LRFN2: variants seen among roughly 807,000 people sequenced by gnomAD.
The protein encoded by LRFN2 is leucine-rich repeat and fibronectin type-III domain-containing protein 2.
LRFN2 carries 18 observed loss-of-function variants against 37.3 expected under a neutral mutation model. The ratio of observed to expected loss-of-function variants is 0.48; its 90% CI spans 0.33 to 0.72. LRFN2 has a LOEUF of 0.72. Ranked by LOEUF, LRFN2 falls within the 30% of genes least tolerant of loss-of-function variation. The probability of loss-of-function intolerance (pLI) is 0.02; values close to 1 mark genes in which losing one functional copy is unlikely to be tolerated. For synonymous variants in LRFN2, 556 were observed against 466.6 expected (o/e 1.19, Z -2.47); for missense variants, 1,006 against 1,060.7 (o/e 0.95, Z 0.72).
At chr6:40,455,499 C>T (rs1271208254) in intron 1 of LRFN2, among the ~76,000 whole-genome samples, 2 of 152,216 alleles carry the variant, frequency 1.3e-5, no homozygotes, top group East Asian at 1.9e-4. Context: ...GGGGAGTTAA[C>T]TCCTTATGGG....
At chr6:40,532,851 C>T (rs1766372304) in intron 1 of LRFN2, among the ~76,000 whole-genome samples, 1 of 152,212 alleles carries the variant, frequency 6.6e-6, no homozygotes, top group Admixed American at 6.5e-5. Flanking sequence ...CAGGTGGGTA[C>T]TGAACACAAT....
chr6:40,435,836 T>C (rs1387887100), intron 1 of LRFN2, among the ~76,000 whole-genome samples: 1 of 152,190 alleles, frequency 6.6e-6, no homozygotes, highest in East Asian at 1.9e-4. Flanking sequence ...ACGTAATATA[T>C]TGAAAAATCT....
chr6:40,482,656 G>C (rs763790149), intron 1 of LRFN2, among the ~76,000 whole-genome samples: 1 of 152,092 alleles, frequency 6.6e-6, no homozygotes, highest in Non-Finnish European at 1.5e-5. Flanking sequence ...TGAAGTCAGC[G>C]CTTAGCTCCC....
chr6:40,554,152 T>C (rs896136892), intron 1 of LRFN2, among the ~76,000 whole-genome samples: 1 of 152,142 alleles, frequency 6.6e-6, no homozygotes, highest in Non-Finnish European at 1.5e-5. Flanking sequence ...CCCCCCGAAG[T>C]GGGAGAGGAA....
chr6:40,549,248 A>G (rs1483368259), intron 1 of LRFN2, among the ~76,000 whole-genome samples: 1 of 152,192 alleles, frequency 6.6e-6, no homozygotes, highest in Non-Finnish European at 1.5e-5. Flanking sequence ...CTTGAGAAAG[A>G]GAGGAGGTTT....
chr6:40,560,335 C>T (rs754061212), intron 1 of LRFN2, among the ~76,000 whole-genome samples: 7 of 152,152 alleles, frequency 4.6e-5, no homozygotes, highest in Non-Finnish European at 8.8e-5. Flanking sequence ...TTCCCATGAC[C>T]AGGCACCAGG....
At chr6:40,507,937 C>A (rs186360796) in intron 1 of LRFN2, among the ~76,000 whole-genome samples, 1 of 152,114 alleles carries the variant, frequency 6.6e-6, no homozygotes, top group Admixed American at 6.5e-5. Context: ...ACATTGTATG[C>A]ATGTCATAGC....
intron 1 of LRFN2, among the ~76,000 whole-genome samples, chr6:40,562,829 A>G (rs1362337998): frequency 2.1e-5 from 3 of 143,224 alleles, no homozygotes; most frequent in African/African-American, 8.2e-5. Flanking sequence ...ATGTGCGTGC[A>G]CTCACTCACA....
chr6:40,489,906 C>T (rs754871170), intron 1 of LRFN2, among the ~76,000 whole-genome samples: 1 of 152,156 alleles, frequency 6.6e-6, no homozygotes, highest in Non-Finnish European at 1.5e-5. Context: ...AGCTCATCTC[C>T]CCACTTGCAC....
At chr6:40,519,039 G>T (rs79610909) in intron 1 of LRFN2, among the ~76,000 whole-genome samples, 2,721 of 152,256 alleles carry the variant, frequency 0.018, 70 homozygotes, top group African/African-American at 0.047. Context: ...AACCCCAGGG[G>T]TGCTAACCAT....
intron 1 of LRFN2, among the ~76,000 whole-genome samples, chr6:40,512,055 C>T (rs1210929410): frequency 1.3e-5 from 2 of 152,228 alleles, no homozygotes; most frequent in African/African-American, 4.8e-5. Flanking sequence ...GAAAGCCAGA[C>T]TTTTGGACGC....
chr6:40,478,619 C>A (rs532169642), intron 1 of LRFN2, among the ~76,000 whole-genome samples: 2 of 152,288 alleles, frequency 1.3e-5, no homozygotes, highest in Admixed American at 1.3e-4. Context: ...CCTCACAGAG[C>A]AGGTGAATTA....
rs201916198 is a variant in LRFN2, at chr6:40,432,216, C to T, written c.898G>A (p.Val300Ile). Residue 300 changes from valine (V) to isoleucine (I), a missense_variant, in exon 2 of 3, where the codon GTT becomes ATT. Val to Ile is a conservative substitution (Grantham distance 29). Transcript: ENST00000338305. ...LITQHTHKLLVLEGQAATLKC... is the reference protein window; with the variant it reads ...LITQHTHKLLILEGQAATLKC... ...AGTGTGGCCGCCTGGCCCTCCAGAA[C>T]CAGCAACTTGTGTGTGTGCTGGGTG... 12 of 1,613,978 alleles carry T rather than the reference C, an allele frequency of 7.4e-6. No individual in the cohort carries two copies. Among genetic ancestry groups the T allele is most frequent in the Admixed American group, 5.0e-5 (3 of 60,028 alleles).
At chr6:40,548,440 C>CA (rs67639435) in intron 1 of LRFN2, among the ~76,000 whole-genome samples, 14,996 of 142,642 alleles carry the variant, frequency 0.11, 1,035 homozygotes, top group Non-Finnish European at 0.13. Flanking sequence ...GACTCCATCT[C>CA]AAAAAAAAAA....
chr6:40,536,765 C>A (rs538217782), intron 1 of LRFN2, among the ~76,000 whole-genome samples: 1 of 152,296 alleles, frequency 6.6e-6, no homozygotes, highest in East Asian at 1.9e-4. Context: ...AGACAGAGGG[C>A]AGCTCAGAAT....
At chr6:40,562,365 C>T (rs1581795920) in intron 1 of LRFN2, among the ~76,000 whole-genome samples, 1 of 151,866 alleles carries the variant, frequency 6.6e-6, no homozygotes, top group Non-Finnish European at 1.5e-5. Flanking sequence ...GACCTAAGGG[C>T]CCTAGAAGGC....
At chr6:40,570,437 C>T (rs1397038777) in intron 1 of LRFN2, among the ~76,000 whole-genome samples, 2 of 152,174 alleles carry the variant, frequency 1.3e-5, no homozygotes, top group African/African-American at 4.8e-5. Flanking sequence ...AGAGATAAAG[C>T]AACTTCCCCA....
At chr6:40,503,975 G>C (rs1207548426) in intron 1 of LRFN2, among the ~76,000 whole-genome samples, 3 of 151,892 alleles carry the variant, frequency 2.0e-5, no homozygotes, top group Non-Finnish European at 2.9e-5. Context: ...AAAAAAAAGA[G>C]GCAATTCTAA....
intron 1 of LRFN2, among the ~76,000 whole-genome samples, chr6:40,462,489 A>G (rs1764368755): frequency 6.6e-6 from 1 of 152,066 alleles, no homozygotes; most frequent in Admixed American, 6.5e-5. Flanking sequence ...TGTCTAGGAG[A>G]AGGCCTTCTC....
Sources: gnomAD v4.1 joint callset for allele counts (sites outside exome capture counted in the v4.1 genomes callset) on GRCh38, gnomAD v4.1.1 for gene constraint, MANE v1.5 for transcripts, NCBI Gene and HGNC (gene_info 2026-07-23, HGNC 2026-07-21) for gene names.